Variants in DMD observed in about 807,000 individuals in gnomAD.
DMD encodes the protein mutant dystrophin.
In DMD, 63 loss-of-function variants were observed where a neutral mutation model predicts 330.1. The observed-to-expected ratio is 0.19, with a 90% CI of 0.16 to 0.24. The LOEUF is 0.24. Among genes scored for constraint, DMD ranks in the 10% least tolerant of loss-of-function variants. DMD has a pLI of 1.00. For missense variants in DMD, 3,344 were observed against 2,684.1 expected, an observed-to-expected ratio of 1.25 and a Z score of -5.43; for synonymous variants, 1,223 against 959.8, an observed-to-expected ratio of 1.27 and a Z score of -5.07.
chrX:31,859,205 T>C (rs2093661504), intron 48 of DMD, among the ~76,000 whole-genome samples: 1 of 111,233 alleles, frequency 9.0e-6, no homozygotes, highest in Admixed American at 9.6e-5. Context: ...TGCTTCCTCA[T>C]CTGTCAACCC....
chrX:31,999,237 C>T (rs1188155273), intron 44 of DMD, among the ~76,000 whole-genome samples: 1 of 111,338 alleles, frequency 9.0e-6, no homozygotes, highest in Non-Finnish European at 1.9e-5. Context: ...TTTATAATAC[C>T]AGCTAATAAC....
At chrX:32,788,455 G>C (rs1376987402) in intron 7 of DMD, among the ~76,000 whole-genome samples, 1 of 111,999 alleles carries the variant, frequency 8.9e-6, no homozygotes, top group Non-Finnish European at 1.9e-5. Context: ...TTGCTTCTGG[G>C]CCATCCAATG....
chrX:31,756,341 T>C (rs1172534835), intron 51 of DMD, among the ~76,000 whole-genome samples: 1 of 112,372 alleles, frequency 8.9e-6, no homozygotes, highest in East Asian at 2.8e-4. Context: ...CCTAAGCAAA[T>C]CCATTTCAAT....
intron 21 of DMD, among the ~76,000 whole-genome samples, chrX:32,483,317 C>G (rs1415764439): frequency 9.6e-6 from 1 of 104,679 alleles, no homozygotes; most frequent in Admixed American, 1.1e-4. Context: ...TATAAACAAT[C>G]ATCGTTTGTA....
intron 2 of DMD, among the ~76,000 whole-genome samples, chrX:32,997,992 G>T (rs5927119): frequency 0.036 from 3,986 of 111,214 alleles, 127 homozygotes; most frequent in East Asian, 0.2. Flanking sequence ...ATGTATACAT[G>T]AGGTGTGTAT....
chrX:31,906,032 C>T (rs934900577), intron 47 of DMD, among the ~76,000 whole-genome samples: 1 of 111,874 alleles, frequency 8.9e-6, no homozygotes, highest in South Asian at 3.8e-4. Context: ...GTTCCCATAA[C>T]CCCCACACGT....
chrX:33,277,768 G>A (rs1443722071), intron 1 of DMD, among the ~76,000 whole-genome samples: 1 of 110,936 alleles, frequency 9.0e-6, no homozygotes, highest in East Asian at 2.8e-4. Flanking sequence ...TTCACAAGCG[G>A]GCAACCACTC....
chrX:32,867,544 A>G (rs774809533), intron 2 of DMD, among the ~76,000 whole-genome samples: 1 of 112,377 alleles, frequency 8.9e-6, no homozygotes, highest in African/African-American at 3.2e-5. Context: ...AGAAGTTTTT[A>G]CCAAGAGCTT....
intron 52 of DMD, among the ~76,000 whole-genome samples, chrX:31,680,212 G>A (rs1007544821): frequency 9.0e-6 from 1 of 111,605 alleles, no homozygotes; most frequent in African/African-American, 3.3e-5. Flanking sequence ...GCTTGATAAT[G>A]CACCACTCTT....
chrX:32,001,218 C>A (rs1434299405), intron 44 of DMD, among the ~76,000 whole-genome samples: 1 of 110,848 alleles, frequency 9.0e-6, no homozygotes, highest in Non-Finnish European at 1.9e-5. Flanking sequence ...TTTGTCAAAA[C>A]TCATCAAACT....
intron 60 of DMD, among the ~76,000 whole-genome samples, chrX:31,388,063 G>A (rs1223980786): frequency 5.7e-5 from 6 of 105,393 alleles, no homozygotes; most frequent in East Asian, 3.0e-4. Flanking sequence ...GCAGTGGCAC[G>A]ATCTCGGCTC....
chrX:32,972,701 A>T (rs1346120879), intron 2 of DMD, among the ~76,000 whole-genome samples: 1 of 111,993 alleles, frequency 8.9e-6, no homozygotes, highest in Admixed American at 9.5e-5. Flanking sequence ...TGACTTTAAC[A>T]TTTATTAGTG....
At chrX:33,234,528 G>T (rs985848147) in intron 1 of DMD, among the ~76,000 whole-genome samples, 25 of 111,218 alleles carry the variant, frequency 2.2e-4, no homozygotes, top group African/African-American at 7.5e-4. Context: ...AATGCACTTA[G>T]AATACCACCC....
chrX:33,328,744 G>C (rs1026152849), intron 1 of DMD, among the ~76,000 whole-genome samples: 1 of 111,123 alleles, frequency 9.0e-6, no homozygotes, highest in Non-Finnish European at 1.9e-5. Context: ...CTTTTATTAC[G>C]TATCTGGCCT....
intron 15 of DMD, among the ~76,000 whole-genome samples, chrX:32,569,099 G>A (rs58842395): frequency 0.011 from 1,182 of 111,402 alleles, 13 homozygotes; most frequent in African/African-American, 0.036. Flanking sequence ...TATTTTTATA[G>A]AAGCCAGGAA....
intron 9 of DMD, among the ~76,000 whole-genome samples, chrX:32,658,293 A>T (rs1345572100): frequency 9.0e-6 from 1 of 111,335 alleles, no homozygotes; most frequent in African/African-American, 3.3e-5. Context: ...ACTTACACTA[A>T]TTTCAGTGAA....
intron 7 of DMD, among the ~76,000 whole-genome samples, chrX:32,723,773 A>T (rs1009086090): frequency 9.1e-6 from 1 of 110,478 alleles, no homozygotes; most frequent in African/African-American, 3.3e-5. Context: ...GTACCCCTTA[A>T]ATCAGGGGTA....
At chrX:32,977,137 T>G (rs1443215528) in intron 2 of DMD, among the ~76,000 whole-genome samples, 1 of 109,493 alleles carries the variant, frequency 9.1e-6, no homozygotes, top group Non-Finnish European at 1.9e-5. Context: ...ACTGTTACAA[T>G]AAAAATACAA....
chrX:31,295,077 A>AGCTCCAGCCCCGGGTTCACGCCAT (rs1195086142), intron 62 of DMD, among the ~76,000 whole-genome samples: 1 of 111,098 alleles, frequency 9.0e-6, no homozygotes, highest in African/African-American at 3.3e-5. Flanking sequence ...GCTCACTGCA[A>AGCTCCAGCCCCGGGTTCACGCCAT]GCTCCAGCCC....
Sources: gnomAD v4.1 joint callset for allele counts (sites outside exome capture counted in the v4.1 genomes callset) on GRCh38, gnomAD v4.1.1 for gene constraint, MANE v1.5 for transcripts, NCBI Gene and HGNC (gene_info 2026-07-23, HGNC 2026-07-21) for gene names.